EEPD1: variants seen among roughly 807,000 people sequenced by gnomAD.
The protein encoded by EEPD1 is endonuclease/exonuclease/phosphatase family domain-containing protein 1.
EEPD1 carries 17 observed loss-of-function variants against 46.3 expected under a neutral mutation model. The ratio of observed to expected loss-of-function variants is 0.37; its 90% CI spans 0.25 to 0.55. The LOEUF (loss-of-function observed/expected upper bound fraction) is 0.55, where lower values mean the gene tolerates loss of function less well. Ranked by LOEUF, EEPD1 falls within the 20% of genes least tolerant of loss-of-function variation. The pLI, the probability that EEPD1 is intolerant of heterozygous loss-of-function variation, is 0.83. For synonymous variants in EEPD1, 313 were observed against 315.6 expected, an observed-to-expected ratio of 0.99 and a Z score of 0.09; for missense variants, 673 against 745.6, an observed-to-expected ratio of 0.90 and a Z score of 1.13.
At chr7:36,180,750 C>T (rs189391025) in intron 2 of EEPD1, among the ~76,000 whole-genome samples, 24 of 152,218 alleles carry the variant, frequency 1.6e-4, no homozygotes, top group African/African-American at 5.3e-4. Flanking sequence ...CTGGACTGGT[C>T]GGGCTCCTTC....
At chr7:36,172,085 A>G (rs1477472292) in intron 2 of EEPD1, among the ~76,000 whole-genome samples, 2 of 151,902 alleles carry the variant, frequency 1.3e-5, no homozygotes, top group East Asian at 1.9e-4. Flanking sequence ...TTTCTTGGGG[A>G]CTCAGGGCTC....
At chr7:36,255,816 T>A (rs575040435) in intron 3 of EEPD1, among the ~76,000 whole-genome samples, 24 of 152,166 alleles carry the variant, frequency 1.6e-4, no homozygotes, top group Non-Finnish European at 3.2e-4. Flanking sequence ...TTTTTGTGTC[T>A]CTATCTCCTT....
At chr7:36,230,854 T>C (rs536081542) in intron 2 of EEPD1, 4 of 152,202 alleles carry the variant, frequency 2.6e-5, no homozygotes, top group Non-Finnish European at 5.9e-5. Flanking sequence ...ATCCATACAG[T>C]GAATGAATGG....
chr7:36,292,083 C>T (rs1787451196), intron 6 of EEPD1, among the ~76,000 whole-genome samples: 1 of 152,220 alleles, frequency 6.6e-6, no homozygotes, highest in African/African-American at 2.4e-5. Context: ...CTGTGTGTCT[C>T]TCCCTGACAA....
At chr7:36,182,693 A>G (rs1264353518) in intron 2 of EEPD1, among the ~76,000 whole-genome samples, 1 of 152,208 alleles carries the variant, frequency 6.6e-6, no homozygotes, top group Non-Finnish European at 1.5e-5. Flanking sequence ...CACAGCTGGA[A>G]AGCAGGCAAG....
At chr7:36,168,557 A>G (rs188460505) in intron 2 of EEPD1, among the ~76,000 whole-genome samples, 1 of 152,280 alleles carries the variant, frequency 6.6e-6, no homozygotes, top group Admixed American at 6.5e-5. Context: ...GATCGAGACC[A>G]TCCTGGCTAA....
chr7:36,242,853 C>T (rs538553412), intron 3 of EEPD1, among the ~76,000 whole-genome samples: 53 of 151,704 alleles, frequency 3.5e-4, no homozygotes, highest in African/African-American at 1.3e-3. Flanking sequence ...CTCTTAAACC[C>T]GGGAGGTGGA....
At chr7:36,224,494 G>C (rs1786198582) in intron 2 of EEPD1, among the ~76,000 whole-genome samples, 1 of 152,228 alleles carries the variant, frequency 6.6e-6, no homozygotes, top group Non-Finnish European at 1.5e-5. Context: ...AGCTTCTGTA[G>C]ACTGAGATGG....
chr7:36,219,806 A>AGAGAGAGGGTGTGT (rs1341203087), intron 2 of EEPD1, among the ~76,000 whole-genome samples: 1 of 75,400 alleles, frequency 1.3e-5, no homozygotes, highest in African/African-American at 4.6e-5. Flanking sequence ...AGAGAGAGAG[A>AGAGAGAGGGTGTGT]GTGTGTGTGT....
chr7:36,216,309 T>A (rs960359364), intron 2 of EEPD1, among the ~76,000 whole-genome samples: 12 of 152,194 alleles, frequency 7.9e-5, no homozygotes, highest in African/African-American at 2.4e-4. Flanking sequence ...ACTGTTCCCC[T>A]CCTGTCACCA....
chr7:36,285,867 G>C (rs1411884263), intron 5 of EEPD1, among the ~76,000 whole-genome samples: 6 of 152,184 alleles, frequency 3.9e-5, no homozygotes, highest in African/African-American at 1.4e-4. Context: ...GAGGGTGGGT[G>C]TGTGCTCACC....
At chr7:36,246,279 G>A (rs1411572878) in intron 3 of EEPD1, among the ~76,000 whole-genome samples, 3 of 152,150 alleles carry the variant, frequency 2.0e-5, no homozygotes, top group African/African-American at 7.2e-5. Flanking sequence ...AGTTCATGCT[G>A]TGAGGGCAGT....
At position 36,299,252 on chromosome 7, in the gene EEPD1, C is replaced by A; in HGVS notation, c.*46C>A. ...CACCCTGGGACCCAGGAGGGCACAG[C>A]CAAGGAATGAGCCCTGTGGGGTGAC... On this transcript the variant is annotated 3_prime_UTR_variant, in exon 8 of 8. Coordinates refer to ENST00000242108, the MANE Select transcript of EEPD1 (RefSeq NM_030636.3). The A allele has an allele frequency of 3.8e-6, 6 of 1,586,842 alleles. No homozygotes were observed. Among genetic ancestry groups the A allele is most frequent in the East Asian group, 2.3e-5 (1 of 43,870 alleles).
intron 3 of EEPD1, among the ~76,000 whole-genome samples, chr7:36,239,754 G>C (rs1050581937): frequency 1.8e-4 from 27 of 152,162 alleles, no homozygotes; most frequent in African/African-American, 6.5e-4. Context: ...AAACAGGCTG[G>C]GTGGGCACCA....
At chr7:36,248,209 C>T (rs1172296085) in intron 3 of EEPD1, among the ~76,000 whole-genome samples, 1 of 144,988 alleles carries the variant, frequency 6.9e-6, no homozygotes, top group Non-Finnish European at 1.5e-5. Context: ...CTTTAAGATA[C>T]TTTTTTTTTT....
At chr7:36,296,309 A>G (rs1369557394) in intron 6 of EEPD1, among the ~76,000 whole-genome samples, 1 of 152,094 alleles carries the variant, frequency 6.6e-6, no homozygotes, top group East Asian at 1.9e-4. Flanking sequence ...CATCTTTAAC[A>G]TCTGGCTTCT....
intron 4 of EEPD1, 76 bp from the exon 5 acceptor site, chr7:36,284,610 T>C: frequency 6.5e-7 from 1 of 1,546,806 alleles, no homozygotes; most frequent in Admixed American, 1.9e-5. Flanking sequence ...TCTCGGTCTC[T>C]CTGGCCTCTC....
At chr7:36,230,739 C>G (rs1786309801) in intron 2 of EEPD1, 1 of 152,208 alleles carries the variant, frequency 6.6e-6, no homozygotes, top group African/African-American at 2.4e-5. Flanking sequence ...TTACCTGGTT[C>G]CTCCATTAGA....
chr7:36,205,785 A>G (rs980576357), intron 2 of EEPD1, among the ~76,000 whole-genome samples: 7 of 152,200 alleles, frequency 4.6e-5, no homozygotes, highest in South Asian at 2.1e-4. Context: ...GTCTCTGGCT[A>G]TTTTTAAAGT....
Sources: gnomAD v4.1 joint callset for allele counts (sites outside exome capture counted in the v4.1 genomes callset) on GRCh38, gnomAD v4.1.1 for gene constraint, MANE v1.5 for transcripts, NCBI Gene and HGNC (gene_info 2026-07-23, HGNC 2026-07-21) for gene names.